The following VAV2 variants were observed in gnomAD, a reference collection of about 807,000 sequenced individuals.
VAV2 encodes guanine nucleotide exchange factor VAV2.
VAV2 carries 67 observed loss-of-function variants against 132.5 expected under a neutral mutation model. That is an observed-to-expected ratio of 0.51 (90% CI 0.42 to 0.62). VAV2 has a LOEUF of 0.62. Among genes scored for constraint, VAV2 ranks in the 20% least tolerant of loss-of-function variants. VAV2 has a pLI of 0.00. For missense variants in VAV2, 938 were observed against 1,153.6 expected, an observed-to-expected ratio of 0.81 and a Z score of 2.71; for synonymous variants, 492 against 443.5, an observed-to-expected ratio of 1.11 and a Z score of -1.37.
In VAV2 at chr9:133,883,751, A is replaced by G. The variant is rs1387940163; in HGVS notation, c.322-22319T>C. 2.0e-5 allele frequency among the ~76,000 whole-genome samples: 3 copies of G among 152,212 alleles called. No homozygotes were observed. Among genetic ancestry groups the G allele is most frequent in the Non-Finnish European group, 2.9e-5 (2 of 68,026 alleles). Reference sequence around the variant, plus strand: ...TCACTACCCAAGGTGGCGGACGAGAAGCCCTCCCGGGATCCAGTGCCACTG... The same window carrying G: ...TCACTACCCAAGGTGGCGGACGAGAGGCCCTCCCGGGATCCAGTGCCACTG... On this transcript the variant is annotated intron_variant, in intron 2 of 29. Transcript: ENST00000371850. The surrounding 1 kb of genome is among the most constrained non-coding windows in gnomAD (Gnocchi z 4.2).
In VAV2 at chr9:133,961,815, A is replaced by G. The variant is rs1564505198; in HGVS notation, c.205-22596T>C. ...TACACCAGGGAGCCCACAGGAGCAG[A>G]GTGGCCCCTCGTTCTGGTGGCCACG... is the stretch of plus-strand genomic sequence containing the variant. On this transcript the variant is annotated intron_variant, in intron 1 of 29. Transcript: ENST00000371850. This position sits in a 1 kb window ranked among gnomAD's most constrained non-coding sequence, Gnocchi z 4.1. Among the ~76,000 whole-genome samples the G allele has an allele frequency of 6.6e-6, 1 of 152,160 alleles. No homozygotes were observed. Among genetic ancestry groups the G allele is most frequent in the East Asian group, 1.9e-4 (1 of 5,186 alleles).
At chr9:133,902,134 T>G (rs1839469754) in intron 2 of VAV2, among the ~76,000 whole-genome samples, 1 of 150,288 alleles carries the variant, frequency 6.7e-6, no homozygotes, top group African/African-American at 2.5e-5. Flanking sequence ...AAGACCCAAT[T>G]TAAGGCCAGG....
At chr9:133,941,613 G>C (rs1224554358) in intron 1 of VAV2, among the ~76,000 whole-genome samples, 1 of 15,816 alleles carries the variant, frequency 6.3e-5, no homozygotes, top group Admixed American at 6.6e-4. Flanking sequence ...TTTTTTGGGG[G>C]GGGGGGGGGA....
intron 29 of VAV2, 37 bp from the exon 30 acceptor site, chr9:133,764,146 G>C: frequency 1.2e-6 from 2 of 1,613,032 alleles, no homozygotes; most frequent in Non-Finnish European, 1.7e-6. Flanking sequence ...GTGTGTGTGT[G>C]TGTGTGTGTA....
In VAV2 at chr9:133,856,757, G is replaced by A. The variant is rs770253794; in HGVS notation, c.380+4617C>T. ...TTGTCCCTTACCTTTTCCAGCTTCC[G>A]AAGCTGCCTGCATTCCTGGGCCCAC... On this transcript the variant is annotated intron_variant, in intron 3 of 29. Transcript: ENST00000371850. Among the ~76,000 whole-genome samples the A allele has an allele frequency of 7.2e-5, 11 of 152,284 alleles. No individual in the cohort carries two copies. In the East Asian group the frequency reaches 9.7e-4, roughly 13 times the overall value.
chr9:133,950,291 G>A (rs1841513135), intron 1 of VAV2, among the ~76,000 whole-genome samples: 1 of 152,212 alleles, frequency 6.6e-6, no homozygotes, highest in South Asian at 2.1e-4. Flanking sequence ...GGAAGTCTGA[G>A]TGGAGCAGGT....
intron 7 of VAV2, 24 bp downstream of exon 7, chr9:133,809,016 C>T (rs1159284848): frequency 6.2e-7 from 1 of 1,606,612 alleles, no homozygotes. Context: ...CTGCCATTTT[C>T]CAGTGGCCGC....
chr9:133,847,728 C>T (rs561736572), intron 3 of VAV2, among the ~76,000 whole-genome samples: 13 of 152,282 alleles, frequency 8.5e-5, no homozygotes, highest in South Asian at 6.2e-4. Context: ...TCCTCCTCTG[C>T]AAAATGGGGG....
intron 4 of VAV2, among the ~76,000 whole-genome samples, chr9:133,822,703 G>A (rs927004566): frequency 9.9e-5 from 15 of 152,136 alleles, no homozygotes; most frequent in Admixed American, 4.6e-4. Context: ...AAGGAGACCC[G>A]TCCACCGGAC....
rs371137698 is a variant in VAV2, at chr9:133,768,457, G to A, written c.2574C>T (p.Gly858=). The A allele has an allele frequency of 2.8e-5, 45 of 1,613,254 alleles. No individual in the cohort carries two copies. The highest frequency in any genetic ancestry group is 3.8e-5 in the Non-Finnish European group (45 of 1,179,956). ...RIGGDQGWWK[G]ETNGRIGWFP... ...GGCCACTCACCCGTCCGTTGGTCTC[G>A]CCCTTCCACCAGCCCTGGTCTCCGC... Residue 858 remains glycine, a synonymous_variant, in exon 29 of 30, where the codon GGC becomes GGT. Coordinates refer to ENST00000371850, the MANE Select transcript of VAV2 (RefSeq NM_001134398.2). The surrounding 1 kb of genome is among the most constrained non-coding windows in gnomAD (Gnocchi z 5.3).
At chr9:133,979,305 G>A (rs1034364767) in intron 1 of VAV2, among the ~76,000 whole-genome samples, 1 of 152,202 alleles carries the variant, frequency 6.6e-6, no homozygotes, top group Non-Finnish European at 1.5e-5. Context: ...GAGGCGCCAC[G>A]GGTCTGCCAC....
At chr9:133,981,888 G>A (rs1842705884) in intron 1 of VAV2, among the ~76,000 whole-genome samples, 1 of 152,264 alleles carries the variant, frequency 6.6e-6, no homozygotes, top group African/African-American at 2.4e-5. Flanking sequence ...GGCGGGGGTG[G>A]GGGTCATGGA....
intron 2 of VAV2, among the ~76,000 whole-genome samples, chr9:133,937,156 T>C (rs1157688685): frequency 6.6e-6 from 1 of 152,210 alleles, no homozygotes; most frequent in Non-Finnish European, 1.5e-5. Context: ...ACAGTTATCA[T>C]AAATACCAGT....
At chr9:133,962,766 C>T (rs1439639482) in intron 1 of VAV2, among the ~76,000 whole-genome samples, 5 of 152,180 alleles carry the variant, frequency 3.3e-5, no homozygotes, top group Admixed American at 1.3e-4. Context: ...GAATGGTTTT[C>T]GAGATATCAT....
rs1564383935 is a variant in VAV2, at chr9:133,827,201, GCA to G, written c.449+7069_449+7070del. Among the ~76,000 whole-genome samples the G allele has an allele frequency of 1.4e-3, 208 of 147,366 alleles. 2 individuals are homozygous for G. Among genetic ancestry groups the G allele is most frequent in the Middle Eastern group, 3.6e-3 (1 of 278 alleles). ...TGCGCCCACTGGGGCTGACCACTGAGCATGGGCATCGCCAGCTACTGCTGTGC... is the reference window on the plus strand; with the variant it reads ...TGCGCCCACTGGGGCTGACCACTGAGTGGGCATCGCCAGCTACTGCTGTGC... On this transcript the variant is annotated intron_variant, in intron 4 of 29. Coordinates refer to ENST00000371850, the MANE Select transcript of VAV2 (RefSeq NM_001134398.2).
Position 133,807,292 on chromosome 9 carries a change from G to A in VAV2, c.701C>T (p.Pro234Leu), listed in dbSNP as rs200521072. The change falls in exon 8 of 30, where the codon CCG (proline) becomes CTG (leucine). Residue 234 changes from proline to leucine, a missense_variant. Pro to Leu is a moderately conservative substitution (Grantham distance 98). Transcript: ENST00000371850. Reference protein sequence around the residue: ...YMSPLRLVLSPADMAAVFINL... With the variant: ...YMSPLRLVLSLADMAAVFINL... The stretch of plus-strand genomic sequence containing the variant: ...AATGAAGACAGCTGCCATGTCCGCC[G>A]GGCTCAGCACCAGCCGCAGGGGGCT... 5.5e-5 allele frequency: 88 copies of A among 1,611,162 alleles called. No individual in the cohort carries two copies. The East Asian group carries it at 1.6e-3, about 29-fold the overall frequency.
intron 3 of VAV2, among the ~76,000 whole-genome samples, chr9:133,856,207 G>A (rs2131852813): frequency 6.6e-6 from 1 of 152,378 alleles, no homozygotes; most frequent in South Asian, 2.1e-4. Flanking sequence ...AGCAGATAGA[G>A]GTGGTGGTTG....
Position 133,984,716 on chromosome 9 carries a change from T to C in VAV2, c.204+7359A>G, listed in dbSNP as rs369146085. 2.0e-5 allele frequency among the ~76,000 whole-genome samples: 3 copies of C among 152,152 alleles called. No individual in the cohort carries two copies. The East Asian group carries it at 5.8e-4, about 29-fold the overall frequency. On this transcript the variant is annotated intron_variant, in intron 1 of 29. Transcript: ENST00000371850. Reference sequence around the variant, plus strand: ...GTTGAAAATGCATAGGCTACCAGCATGGCCAACGTGTCGAAGCCTTATCTC... The same window carrying C: ...GTTGAAAATGCATAGGCTACCAGCACGGCCAACGTGTCGAAGCCTTATCTC...
chr9:133,820,329 C>CTTTTT (rs1235525920), intron 4 of VAV2, among the ~76,000 whole-genome samples: 1 of 131,498 alleles, frequency 7.6e-6, no homozygotes. Flanking sequence ...TTTTCTTTTT[C>CTTTTT]TTTTTTTTTT....
Sources: gnomAD v4.1 joint callset for allele counts (sites outside exome capture counted in the v4.1 genomes callset) on GRCh38, gnomAD v4.1.1 for gene constraint, Gnocchi (gnomAD v3.1) non-coding constraint, MANE v1.5 for transcripts, NCBI Gene and HGNC (gene_info 2026-07-23, HGNC 2026-07-21) for gene names.